The following DZIP1 variants were observed in gnomAD, a reference collection of about 807,000 sequenced individuals.
The protein encoded by DZIP1 is DAZ interacting zinc finger protein 1, also known as cilium assembly protein DZIP1.
A neutral mutation model predicts 107.6 loss-of-function variants in DZIP1; 97 were observed. The observed-to-expected ratio is 0.90, with a 90% CI of 0.77 to 1.07. The LOEUF is 1.07. DZIP1 is among the 50% of genes least tolerant of loss of function. The pLI is 0.00. For missense variants in DZIP1, 1,035 were observed against 1,063.6 expected, an observed-to-expected ratio of 0.97 and a Z score of 0.37; for synonymous variants, 390 against 386.4, an observed-to-expected ratio of 1.01 and a Z score of -0.11.
chr13:95,630,828 C>T (rs1312275014), intron 6 of DZIP1: 2 of 1,016,872 alleles, frequency 2.0e-6, no homozygotes, highest in Non-Finnish European at 2.7e-6. Context: ...AGAAATAATA[C>T]TCGTTTCAGA....
At chr13:95,613,292 C>T (rs2045073268) in intron 10 of DZIP1, among the ~76,000 whole-genome samples, 1 of 152,022 alleles carries the variant, frequency 6.6e-6, no homozygotes, top group Admixed American at 6.6e-5. Context: ...GCAGGCAGAT[C>T]ACTTGAGGTC....
intron 19 of DZIP1, 21 bp from the exon 20 acceptor site, chr13:95,587,750 A>C: frequency 6.2e-7 from 1 of 1,606,400 alleles, no homozygotes; most frequent in South Asian, 1.1e-5. Flanking sequence ...CAACACCGAG[A>C]TAGGGGCGCT....
chr13:95,609,693 GA>G (rs997073665), intron 12 of DZIP1, among the ~76,000 whole-genome samples, 180 bp from the exon 13 acceptor site: 3 of 152,084 alleles, frequency 2.0e-5, no homozygotes, highest in Non-Finnish European at 4.4e-5. Flanking sequence ...ATTTTCCCCA[GA>G]ATTACTTTTC....
chr13:95,641,535 C>T lies in DZIP1; in HGVS notation c.357G>A (p.Lys119=), dbSNP rs745977975. The change falls in exon 5 of 23, where the codon AAG becomes AAA. Residue 119 remains lysine, a synonymous_variant. Coordinates refer to ENST00000376829, the MANE Select transcript of DZIP1 (RefSeq NM_198968.4). The surrounding 1 kb of genome is among the most constrained non-coding windows in gnomAD (Gnocchi z 4.3). The part of the protein sequence containing the change: ...CQSGVDPVLL[K]LIRLAQFTIE... ...TGGTGAACTGCGCCAGACGGATGAG[C>T]TTCAGCAGCACCGGGTCCACCCCCG... The T allele has an allele frequency of 6.2e-7, 1 of 1,614,076 alleles. No individual in the cohort carries two copies. Among genetic ancestry groups the T allele is most frequent in the Non-Finnish European group, 8.5e-7 (1 of 1,180,040 alleles).
At chr13:95,630,695 C>T in intron 6 of DZIP1, 1 of 1,228,156 alleles carries the variant, frequency 8.1e-7, no homozygotes, top group South Asian at 1.4e-5. Flanking sequence ...AGGAAGAATA[C>T]TTATGTACAT....
At chr13:95,591,330 G>T (rs771025857) in intron 16 of DZIP1, among the ~76,000 whole-genome samples, 10 of 152,080 alleles carry the variant, frequency 6.6e-5, no homozygotes, top group Non-Finnish European at 8.8e-5. Flanking sequence ...CCCAGCTAGA[G>T]GTGACATTTA....
rs771336276 is a variant in DZIP1, at chr13:95,578,218, ATAAAC to A, written c.*4011_*4015del. On this transcript the variant is annotated 3_prime_UTR_variant, in exon 23 of 23. Coordinates refer to ENST00000376829, the MANE Select transcript of DZIP1 (RefSeq NM_198968.4). ...TTTCTGTTGTGGCTTTCTATAAAAA[ATAAAC>A]AGTTTATTTACAGGATTTGTAAAAT... 3.9e-5 allele frequency: 15 copies of A among 386,138 alleles called. No homozygotes were observed. Among genetic ancestry groups the A allele is most frequent in the Non-Finnish European group, 6.0e-5 (13 of 216,144 alleles). The allele number at this position is 386,138 out of a possible 1,614,324, so 23.9% of individuals were successfully genotyped here.
At chr13:95,620,276 T>C (rs1875665513) in intron 9 of DZIP1, among the ~76,000 whole-genome samples, 1 of 152,176 alleles carries the variant, frequency 6.6e-6, no homozygotes, top group African/African-American at 2.4e-5. Flanking sequence ...TTGGTTCCCC[T>C]TTGTCCTTCT....
chr13:95,608,292 C>G (rs916853344), intron 13 of DZIP1, among the ~76,000 whole-genome samples: 2 of 151,804 alleles, frequency 1.3e-5, no homozygotes, highest in Admixed American at 6.6e-5. Flanking sequence ...TACTATAATA[C>G]AAATGTGTAC....
At chr13:95,629,679 T>C (rs1876963755) in intron 7 of DZIP1, among the ~76,000 whole-genome samples, 1 of 152,214 alleles carries the variant, frequency 6.6e-6, no homozygotes, top group Non-Finnish European at 1.5e-5. Flanking sequence ...ATGGTCCTCC[T>C]GACACCTTGA....
At chr13:95,587,331 CT>C (rs755966882) in intron 20 of DZIP1, among the ~76,000 whole-genome samples, 3 of 152,170 alleles carry the variant, frequency 2.0e-5, no homozygotes, top group Non-Finnish European at 4.4e-5. Flanking sequence ...CCCTAGCAAA[CT>C]AATACACCAG....
intron 16 of DZIP1, among the ~76,000 whole-genome samples, chr13:95,591,680 C>G (rs1193324693): frequency 1.3e-5 from 2 of 152,180 alleles, no homozygotes; most frequent in African/African-American, 4.8e-5. Context: ...TTAGAGAGCT[C>G]CCATTTGTCT....
intron 12 of DZIP1, among the ~76,000 whole-genome samples, chr13:95,610,783 A>G (rs1178938370): frequency 1.3e-5 from 2 of 152,192 alleles, no homozygotes; most frequent in East Asian, 3.8e-4. Context: ...ACACGGCAAC[A>G]GTGGCAGGAG....
intron 10 of DZIP1, among the ~76,000 whole-genome samples, chr13:95,614,794 G>A (rs555136586): frequency 3.3e-4 from 50 of 152,102 alleles, no homozygotes; most frequent in African/African-American, 7.2e-4. Context: ...GCATGCCATC[G>A]CTTATCTGTG....
intron 10 of DZIP1, among the ~76,000 whole-genome samples, chr13:95,618,167 C>T (rs979392527): frequency 1.2e-4 from 19 of 152,314 alleles, no homozygotes; most frequent in Middle Eastern, 6.8e-3. Context: ...CCCTAGGGCA[C>T]TCTGCATTTA....
At chr13:95,595,277 C>T (rs2138887378) in intron 15 of DZIP1, among the ~76,000 whole-genome samples, 1 of 152,258 alleles carries the variant, frequency 6.6e-6, no homozygotes, top group African/African-American at 2.4e-5. Context: ...TTTCTAAACA[C>T]CAGTTCAATT....
At chr13:95,592,613 A>G (rs1594653335) in intron 16 of DZIP1, among the ~76,000 whole-genome samples, 1 of 152,322 alleles carries the variant, frequency 6.6e-6, no homozygotes, top group East Asian at 1.9e-4. Flanking sequence ...CTACCCTTTG[A>G]CTCAGCAATT....
At chr13:95,617,381 G>A (rs950796623) in intron 10 of DZIP1, among the ~76,000 whole-genome samples, 2 of 152,060 alleles carry the variant, frequency 1.3e-5, no homozygotes. Flanking sequence ...AGGAACCTCA[G>A]ACAGGAACAC....
rs1318299349 is a variant in DZIP1, at chr13:95,590,329, A to G, written c.1793T>C (p.Leu598Pro). Reference protein sequence around the residue: ...IPNFHQIREFLEHQVSCKIEE... With the variant: ...IPNFHQIREFPEHQVSCKIEE... ...AATTTTACAGCTGACTTGATGTTCA[A>G]GGAATTCTCGAATTTGATGAAAGTT... The change falls in exon 17 of 23, where the codon CTT becomes CCT. Residue 598 changes from leucine to proline, a missense_variant. Physicochemically the swap from Leu to Pro is moderately conservative, Grantham distance 98 (BLOSUM62 -3). Transcript: ENST00000376829. 4 of 1,614,004 alleles carry G rather than the reference A, an allele frequency of 2.5e-6. No homozygotes were observed. In the South Asian group the frequency reaches 3.3e-5, roughly 13 times the overall value.
Sources: gnomAD v4.1 joint callset for allele counts (sites outside exome capture counted in the v4.1 genomes callset) on GRCh38, gnomAD v4.1.1 for gene constraint, Gnocchi (gnomAD v3.1) non-coding constraint, MANE v1.5 for transcripts, NCBI Gene and HGNC (gene_info 2026-07-23, HGNC 2026-07-21) for gene names.